Variants in TUSC3 observed in about 807,000 individuals in gnomAD.
TUSC3 encodes the protein dolichyl-diphosphooligosaccharide--protein glycosyltransferase subunit TUSC3.
Under a neutral mutation model 44.8 loss-of-function variants are expected in TUSC3, and 45 were observed. The observed-to-expected ratio is 1.00, with a 90% CI of 0.79 to 1.29. The LOEUF is 1.29. Among genes scored for constraint, TUSC3 ranks in the 50% most tolerant of loss-of-function variants. The probability of loss-of-function intolerance (pLI) is 0.00; values close to 1 mark genes in which losing one functional copy is unlikely to be tolerated. For synonymous variants in TUSC3, 212 were observed against 152.9 expected (o/e 1.39, Z -2.85); for missense variants, 519 against 437.9 (o/e 1.19, Z -1.65).
chr8:15,731,669 A>G (rs547106411), intron 7 of TUSC3, among the ~76,000 whole-genome samples: 88 of 152,248 alleles, frequency 5.8e-4, no homozygotes, highest in African/African-American at 2.1e-3. Flanking sequence ...TTTATGTACA[A>G]TACTTTATTA....
Position 15,559,331 on chromosome 8 carries a change from C to G in TUSC3, c.138+18763C>G, listed in dbSNP as rs1291268316. Reference sequence around the variant, plus strand: ...AGCAGTTTTGAGTGAGATTCTTAACCCTGAGTTCTAGTTTGATTGCACTGT... The same window carrying G: ...AGCAGTTTTGAGTGAGATTCTTAACGCTGAGTTCTAGTTTGATTGCACTGT... On this transcript the variant is annotated intron_variant, in intron 1 of 10. Transcript: ENST00000503731. Among the ~76,000 whole-genome samples, 11 of 146,950 alleles carry G rather than the reference C, an allele frequency of 7.5e-5. 2 individuals carry two copies. Among genetic ancestry groups the G allele is most frequent in the Non-Finnish European group, 4.5e-5 (3 of 66,120 alleles).
chr8:15,739,529 T>A (rs12675812), intron 7 of TUSC3, among the ~76,000 whole-genome samples: 44,134 of 152,042 alleles, frequency 0.29, 6,736 homozygotes, highest in Admixed American at 0.4. Flanking sequence ...TTACTGCATT[T>A]GCTCCCAACA....
chr8:15,711,211 G>A (rs1161434601), intron 6 of TUSC3, among the ~76,000 whole-genome samples: 1 of 151,430 alleles, frequency 6.6e-6, no homozygotes, highest in Non-Finnish European at 1.5e-5. Flanking sequence ...ATTCCTGTAA[G>A]TCTCTCCTCG....
chr8:15,589,091 T>C, intron 1 of TUSC3, among the ~76,000 whole-genome samples: 1 of 152,312 alleles, frequency 6.6e-6, no homozygotes. Context: ...ATTTTCTTAC[T>C]AAATTTAAAG....
In TUSC3 at chr8:15,503,302, C is replaced by G. The variant is rs371183139; in HGVS notation, n.189+19819C>G. Reference sequence around the variant, plus strand: ...GCCTCAGAAGAAACTAACCCTGCCGCCTCCTGTATCTTAGACTTGTAGGCT... The same window carrying G: ...GCCTCAGAAGAAACTAACCCTGCCGGCTCCTGTATCTTAGACTTGTAGGCT... On this transcript the variant is annotated intron_variant and non_coding_transcript_variant, in intron 2 of 5. Coordinates refer to the TUSC3 transcript ENST00000503191. 2.6e-5 allele frequency among the ~76,000 whole-genome samples: 4 copies of G among 152,238 alleles called. No homozygotes were observed. In the East Asian group the frequency reaches 5.8e-4, roughly 22 times the overall value.
In TUSC3 at chr8:15,577,300, G is replaced by A. The variant is rs1803155373; in HGVS notation, c.138+36732G>A. Among the ~76,000 whole-genome samples the A allele has an allele frequency of 2.0e-5, 3 of 151,662 alleles. No individual in the cohort carries two copies. The South Asian group carries it at 6.3e-4, about 32-fold the overall frequency. ...TGATGGTAGTTTCTTTTGCTGTGCA[G>A]AAGCTCTTGAGTTTAATGAGATCCC... On this transcript the variant is annotated intron_variant, in intron 1 of 10. Coordinates refer to ENST00000503731, the MANE Select transcript of TUSC3 (RefSeq NM_006765.4).
At chr8:15,448,911 C>T (rs1800148245) in intron 1 of TUSC3, among the ~76,000 whole-genome samples, 1 of 152,096 alleles carries the variant, frequency 6.6e-6, no homozygotes, top group African/African-American at 2.4e-5. Context: ...GCCATTATAA[C>T]ATCATAGTGC....
chr8:15,724,488 T>G (rs1239795931), intron 6 of TUSC3, among the ~76,000 whole-genome samples: 2 of 152,160 alleles, frequency 1.3e-5, no homozygotes, highest in Non-Finnish European at 2.9e-5. Flanking sequence ...ACCCTTTGAC[T>G]TCTTAGAAGT....
intron 6 of TUSC3, among the ~76,000 whole-genome samples, chr8:15,690,136 A>T (rs192836654): frequency 1.2e-3 from 177 of 152,256 alleles, no homozygotes; most frequent in African/African-American, 4.2e-3. Context: ...TCCTACTGGC[A>T]GTGTATAAAC....
intron 5 of TUSC3, among the ~76,000 whole-genome samples, chr8:15,667,431 T>C (rs921921879): frequency 6.6e-6 from 1 of 151,736 alleles, no homozygotes; most frequent in South Asian, 2.1e-4. Context: ...TTCACTGATA[T>C]GCATGTCTGC....
intron 6 of TUSC3, among the ~76,000 whole-genome samples, chr8:15,681,080 G>C (rs927365694): frequency 1.3e-5 from 2 of 150,206 alleles, no homozygotes; most frequent in Non-Finnish European, 3.0e-5. Context: ...TTTGATATCG[G>C]TGCTGCTGGC....
chr8:15,590,169 A>G (rs546167034), intron 1 of TUSC3, among the ~76,000 whole-genome samples: 9 of 152,308 alleles, frequency 5.9e-5, no homozygotes, highest in Non-Finnish European at 1.0e-4. Context: ...GATAATTCCA[A>G]TGTACAGCCT....
intron 1 of TUSC3, among the ~76,000 whole-genome samples, chr8:15,439,493 G>T (rs566405574): frequency 6.6e-6 from 1 of 152,184 alleles, no homozygotes; most frequent in Admixed American, 6.5e-5. Flanking sequence ...GGAGGTTGAG[G>T]CTGAAGTGAA....
chr8:15,739,041 C>G (rs1046655554), intron 7 of TUSC3, among the ~76,000 whole-genome samples: 1 of 151,664 alleles, frequency 6.6e-6, no homozygotes, highest in Non-Finnish European at 1.5e-5. Flanking sequence ...CCATATTGGC[C>G]AGGCTGGTCT....
At chr8:15,578,776 C>CT (rs1291290678) in intron 1 of TUSC3, among the ~76,000 whole-genome samples, 9 of 152,014 alleles carry the variant, frequency 5.9e-5, no homozygotes, top group Admixed American at 5.9e-4. Context: ...CTAAAATTCT[C>CT]TTTTTTTGTT....
rs143785644 is a variant in TUSC3 at position 15,428,224 on chromosome 8, G to A, written n.91+10919G>A. ...TATGAGTGAGAACATGTGGTGTTTG[G>A]TTTTTTGTCCTCACGATACTTCGCT... On this transcript the variant is annotated intron_variant and non_coding_transcript_variant, in intron 1 of 5. Coordinates refer to the TUSC3 transcript ENST00000503191. Among the ~76,000 whole-genome samples the A allele has an allele frequency of 8.9e-3, 1,321 of 148,938 alleles. 23 individuals carry two copies. The highest frequency in any genetic ancestry group is 0.031 in the African/African-American group (1,237 of 40,378).
At chr8:15,595,570 T>TTTTG (rs571358451) in intron 1 of TUSC3, among the ~76,000 whole-genome samples, 11 of 152,168 alleles carry the variant, frequency 7.2e-5, no homozygotes, top group Non-Finnish European at 1.5e-4. Context: ...TTTTGTTTCC[T>TTTTG]TTTGTTTGTT....
At chr8:15,718,720 G>A (rs1191578731) in intron 6 of TUSC3, among the ~76,000 whole-genome samples, 3 of 151,986 alleles carry the variant, frequency 2.0e-5, no homozygotes, top group African/African-American at 7.3e-5. Flanking sequence ...TATAACTTAT[G>A]TTGATTTTAT....
At chr8:15,423,359 T>G (rs1799761785) in intron 1 of TUSC3, among the ~76,000 whole-genome samples, 1 of 152,186 alleles carries the variant, frequency 6.6e-6, no homozygotes, top group Admixed American at 6.6e-5. Flanking sequence ...TGTACCCTCA[T>G]TCTGAATGTC....
Sources: allele counts gnomAD v4.1 joint callset (sites outside exome capture counted in the v4.1 genomes callset), GRCh38; gene constraint gnomAD v4.1.1; transcripts MANE v1.5; gene names NCBI Gene and HGNC (gene_info 2026-07-23, HGNC 2026-07-21).